The following CASP1 variants were observed in gnomAD, a reference collection of about 807,000 sequenced individuals.
CASP1 encodes caspase 1, also known as caspase-1.
CASP1 carries 31 observed loss-of-function variants against 41.2 expected under a neutral mutation model. The ratio of observed to expected loss-of-function variants is 0.75; its 90% CI spans 0.57 to 1.02. The LOEUF is 1.02. CASP1 is among the 50% of genes least tolerant of loss of function. The pLI is 0.00. For missense variants in CASP1, 490 were observed against 495.7 expected (o/e 0.99, Z 0.11); for synonymous variants, 163 against 166.5 (o/e 0.98, Z 0.16).
rs776388930 is a variant in CASP1 at position 105,029,798 on chromosome 11, A to G, written c.729T>C (p.Ile243=). 6 of 1,613,650 alleles carry G rather than the reference A, an allele frequency of 3.7e-6. No individual in the cohort carries two copies. The highest frequency in any genetic ancestry group is 3.3e-5 in the South Asian group (3 of 91,076). ...CTTGCTCAGAGTGTTTCTTCCCACAAATGCCTTCCCGAATACCATGAGACA... is the reference window on the plus strand; with the variant it reads ...CTTGCTCAGAGTGTTTCTTCCCACAGATGCCTTCCCGAATACCATGAGACA... ...VFMSHGIREG[I]CGKKHSEQVP... The change falls in exon 6 of 9, where the codon ATT becomes ATC. Residue 243 remains isoleucine, a synonymous_variant. Coordinates refer to ENST00000533400, the MANE Select transcript of CASP1 (RefSeq NM_001257118.3).
Position 105,033,184 on chromosome 11 carries a change from C to G in CASP1, c.275-58G>C, listed in dbSNP as rs145521108. The G allele has an allele frequency of 1.8e-5, 18 of 1,008,988 alleles. No individual in the cohort carries two copies. In the East Asian group the frequency reaches 4.5e-4, roughly 25 times the overall value. 62.5% of individuals were successfully genotyped at this position (1,008,988 alleles called of 1,614,324 possible). A position where few individuals can be genotyped will look rare whatever the true frequency, so the allele number is the denominator to read the frequency against. Reference sequence around the variant, plus strand: ...CTTATCATCTCTGGAAAACTTTACCCCAATCTGTAAAACACTCCCCACTAA... The same window carrying G: ...CTTATCATCTCTGGAAAACTTTACCGCAATCTGTAAAACACTCCCCACTAA... On this transcript the variant is annotated intron_variant, in intron 2 of 8. Coordinates refer to ENST00000533400, the MANE Select transcript of CASP1 (RefSeq NM_001257118.3).
chr11:105,026,812 G>C (rs905009529), intron 8 of CASP1, 30 bp downstream of exon 8: 5 of 1,086,316 alleles, frequency 4.6e-6, no homozygotes, highest in Non-Finnish European at 2.9e-6. Flanking sequence ...CAGGGAAGTA[G>C]AGTGAAAATA....
Position 105,034,326 on chromosome 11 carries a change from A to G in CASP1, c.156T>C (p.Asp52=), listed in dbSNP as rs143162890. 58 of 1,613,990 alleles carry G rather than the reference A, an allele frequency of 3.6e-5. No homozygotes were observed. Among genetic ancestry groups the G allele is most frequent in the East Asian group, 2.5e-4 (11 of 44,884 alleles). ...CGGAGTCAATCAAAGCTCGGGTCTT[A>G]TCCATAACTGTAGCATTTTCACGTT... The part of the protein sequence containing the change: ...KVKRENATVM[D]KTRALIDSVI... Residue 52 remains aspartate (D), a synonymous_variant, in exon 2 of 9, where the codon GAT becomes GAC. Transcript: ENST00000533400.
intron 5 of CASP1, 38 bp from the exon 6 acceptor site, chr11:105,029,937 T>A: frequency 1.5e-6 from 2 of 1,371,302 alleles, no homozygotes; most frequent in Non-Finnish European, 2.1e-6. Flanking sequence ...GACTATGTAA[T>A]TAACTATCAT....
At chr11:105,036,425 C>G (rs1245242262), upstream of CASP1, among the ~76,000 whole-genome samples, 1 of 152,118 alleles carries the variant, frequency 6.6e-6, no homozygotes, top group Non-Finnish European at 1.5e-5. Flanking sequence ...GTCTCTGTTT[C>G]CCTACTCAAA....
rs949514940 is a variant in CASP1, at chr11:105,025,589, T to C, written c.*669A>G. The stretch of plus-strand genomic sequence containing the variant: ...AATTCCAAAAACCTTTACAGAAGGA[T>C]CTCTTCACTTCCTATGAGAAAAAGA... On this transcript the variant is annotated 3_prime_UTR_variant, in exon 9 of 9. Transcript: ENST00000533400. 1 of 414,664 alleles carries C rather than the reference T, an allele frequency of 2.4e-6. No individual in the cohort carries two copies. Among genetic ancestry groups the C allele is most frequent in the Non-Finnish European group, 4.7e-6 (1 of 213,302 alleles). 25.7% of individuals were successfully genotyped at this position (414,664 alleles called of 1,614,324 possible).
chr11:105,033,722 T>C (rs571995725), intron 2 of CASP1, among the ~76,000 whole-genome samples: 120 of 152,346 alleles, frequency 7.9e-4, no homozygotes, highest in Non-Finnish European at 1.6e-3. Flanking sequence ...GTTCAATGTG[T>C]TCTCTGAGTG....
In CASP1 at chr11:105,030,393, G is replaced by A; in HGVS notation, c.564C>T (p.Gly188=). The A allele has an allele frequency of 6.2e-7, 1 of 1,613,572 alleles. No homozygotes were observed. The highest frequency in any genetic ancestry group is 8.5e-7 in the Non-Finnish European group (1 of 1,179,668). Residue 188 remains glycine (G), a synonymous_variant, in exon 5 of 9, where the codon GGC becomes GGT. Coordinates refer to ENST00000533400, the MANE Select transcript of CASP1 (RefSeq NM_001257118.3). ...CCAGATTTTGTAGCAGCATTGTCAT[G>A]CCTGTGATGTCAACCTCAGCTCCAG... ...RRTGAEVDIT[G]MTMLLQNLGY... is the part of the protein sequence containing the mutation.
intron 7 of CASP1, among the ~76,000 whole-genome samples, chr11:105,027,730 T>G (rs1445710143): frequency 6.6e-6 from 1 of 152,110 alleles, no homozygotes; most frequent in African/African-American, 2.4e-5. Context: ...AGCCTTTAAC[T>G]GAGACTTGTT....
intron 7 of CASP1, among the ~76,000 whole-genome samples, chr11:105,027,353 G>A (rs551115034): frequency 8.8e-5 from 12 of 135,736 alleles, no homozygotes; most frequent in East Asian, 1.9e-4. Context: ...AAGATTAATC[G>A]AAATTAAATA....
In CASP1 at chr11:105,034,383, C is replaced by T. The variant is rs757972233; in HGVS notation, c.99G>A (p.Arg33=). ...TCTCCATCTCTTCCTTGTTCAGCACCCTTGTCTGTAATAATTCATCCAGTA... is the reference window on the plus strand; with the variant it reads ...TCTCCATCTCTTCCTTGTTCAGCACTCTTGTCTGTAATAATTCATCCAGTA... ...NGLLDELLQT[R]VLNKEEMEKV... The change falls in exon 2 of 9, where the codon AGG becomes AGA. Residue 33 remains arginine (R), a synonymous_variant. Transcript: ENST00000533400. The T allele has an allele frequency of 1.2e-6, 2 of 1,614,022 alleles. No homozygotes were observed. The highest frequency in any genetic ancestry group is 4.5e-5 in the East Asian group (2 of 44,894).
intron 8 of CASP1, 193 bp from the exon 9 acceptor site, chr11:105,026,549 T>C (rs1355405151): frequency 1.7e-6 from 1 of 600,502 alleles, no homozygotes; most frequent in African/African-American, 1.9e-5. Context: ...GCATTTTAAA[T>C]CTGCTGCTGG....
rs749954527 is a variant in CASP1 at position 105,034,294 on chromosome 11, G to A, written c.188C>T (p.Pro63Leu). Reference sequence around the variant, plus strand: ...AATTTGGCATGCCTGTGCCCCTTTCGGAATAACGGAGTCAATCAAAGCTCG... The same window carrying A: ...AATTTGGCATGCCTGTGCCCCTTTCAGAATAACGGAGTCAATCAAAGCTCG... ...KTRALIDSVI[P>L]KGAQACQICI... The change falls in exon 2 of 9, where the codon CCG becomes CTG. Residue 63 changes from proline to leucine, a missense_variant. Coordinates refer to ENST00000533400, the MANE Select transcript of CASP1 (RefSeq NM_001257118.3). 7 of 1,614,028 alleles carry A rather than the reference G, an allele frequency of 4.3e-6. No homozygotes were observed. Among genetic ancestry groups the A allele is most frequent in the South Asian group, 2.2e-5 (2 of 91,082 alleles).
In CASP1 at chr11:105,030,443, C is replaced by T; in HGVS notation, c.514G>A (p.Glu172Lys). The T allele has an allele frequency of 6.2e-7, 1 of 1,613,578 alleles. No individual in the cohort carries two copies. Among genetic ancestry groups the T allele is most frequent in the Non-Finnish European group, 8.5e-7 (1 of 1,179,636 alleles). ...TRLALIICNE[E>K]FDSIPRRTGA... Reference sequence around the variant, plus strand: ...GTTCTTCTAGGAATACTGTCAAATTCTTCATTGCAGATAATGAGAGCAAGA... The same window carrying T: ...GTTCTTCTAGGAATACTGTCAAATTTTTCATTGCAGATAATGAGAGCAAGA... The change falls in exon 5 of 9, where the codon GAA becomes AAA. Residue 172 changes from glutamate (E) to lysine (K), a missense_variant. Physicochemically the swap from Glu to Lys is moderately conservative, Grantham distance 56 (BLOSUM62 1). Transcript: ENST00000533400.
Position 105,033,102 on chromosome 11 carries a change from TTA to T in CASP1, c.297_298del (p.Asn100TyrfsTer71). On this transcript the variant is annotated frameshift_variant, in exon 3 of 9. Coordinates refer to ENST00000533400, the MANE Select transcript of CASP1 (RefSeq NM_001257118.3). LOFTEE classifies it high-confidence loss of function. ...AAGTACTCCTTGAGAGTCTTGCATA[TTA>T]AGGTAATTTCCAGATGTTTGATCTA... 1 of 1,586,476 alleles carries T rather than the reference TTA, an allele frequency of 6.3e-7. No homozygotes were observed. The highest frequency in any genetic ancestry group is 1.3e-5 in the African/African-American group (1 of 74,336).
At chr11:105,033,172 G>C in intron 2 of CASP1, 46 bp from the exon 3 acceptor site, 1 of 1,196,536 alleles carries the variant, frequency 8.4e-7, no homozygotes. Context: ...ATCATCTCTG[G>C]AAAACTTTAC....
chr11:105,033,200 T>A, intron 2 of CASP1, 74 bp from the exon 3 acceptor site: 3 of 790,228 alleles, frequency 3.8e-6, no homozygotes, highest in South Asian at 3.0e-5. Context: ...TGTAAAACAC[T>A]CCCCACTAAA....
intron 7 of CASP1, among the ~76,000 whole-genome samples, chr11:105,027,601 G>A (rs974462556): frequency 1.5e-4 from 23 of 152,136 alleles, no homozygotes; most frequent in African/African-American, 5.5e-4. Flanking sequence ...AGCAGCAATA[G>A]CTCTGTATGT....
Position 105,026,154 on chromosome 11 carries a change from G to C in CASP1, c.*104C>G. 1 of 689,788 alleles carries C rather than the reference G, an allele frequency of 1.4e-6. No homozygotes were observed. The highest frequency in any genetic ancestry group is 2.5e-6 in the Non-Finnish European group (1 of 402,570). 42.7% of individuals were successfully genotyped at this position (689,788 alleles called of 1,614,324 possible). A position where few individuals can be genotyped will look rare whatever the true frequency, so the allele number is the denominator to read the frequency against. On this transcript the variant is annotated 3_prime_UTR_variant, in exon 9 of 9. Coordinates refer to ENST00000533400, the MANE Select transcript of CASP1 (RefSeq NM_001257118.3). ...TAAGGATTCTCAGCCTGTAAACCTAGAGTTCTTGACTCAAATGGACTTTCA... is the reference window on the plus strand; with the variant it reads ...TAAGGATTCTCAGCCTGTAAACCTACAGTTCTTGACTCAAATGGACTTTCA...
Sources: gnomAD v4.1 joint callset for allele counts (sites outside exome capture counted in the v4.1 genomes callset) on GRCh38, gnomAD v4.1.1 for gene constraint, MANE v1.5 for transcripts, NCBI Gene and HGNC (gene_info 2026-07-23, HGNC 2026-07-21) for gene names.